The following GRIK3 variants were observed in gnomAD, a reference collection of about 807,000 sequenced individuals.
The protein encoded by GRIK3 is glutamate ionotropic receptor kainate type subunit 3.
In GRIK3, 29 loss-of-function variants were observed where a neutral mutation model predicts 102.5. That is an observed-to-expected ratio of 0.28 (90% CI 0.21 to 0.39). The LOEUF (loss-of-function observed/expected upper bound fraction) is 0.39. Among genes scored for constraint, GRIK3 ranks in the 10% least tolerant of loss-of-function variants. GRIK3 has a pLI of 1.00. For missense variants in GRIK3, 908 were observed against 1,252.4 expected, an observed-to-expected ratio of 0.73 and a Z score of 4.15; for synonymous variants, 511 against 504.9, an observed-to-expected ratio of 1.01 and a Z score of -0.16.
intron 1 of GRIK3, among the ~76,000 whole-genome samples, chr1:36,907,869 AC>A (rs1018925130): frequency 2.6e-5 from 4 of 152,016 alleles, no homozygotes; most frequent in Non-Finnish European, 5.9e-5. Flanking sequence ...TTTTGGTTCC[AC>A]TCACAGGCTA....
intron 1 of GRIK3, among the ~76,000 whole-genome samples, chr1:37,010,727 C>CTTTTT (rs60750637): frequency 3.0e-4 from 31 of 102,510 alleles, no homozygotes; most frequent in East Asian, 8.2e-4. Flanking sequence ...ACCTGTACCA[C>CTTTTT]TTTTTTTTTT....
At chr1:36,989,649 C>T (rs1429833666) in intron 1 of GRIK3, among the ~76,000 whole-genome samples, 3 of 152,188 alleles carry the variant, frequency 2.0e-5, no homozygotes, top group African/African-American at 7.2e-5. Flanking sequence ...TCTGGGCCCC[C>T]ACTGCTTCCC....
chr1:36,868,492 A>G (rs1640809906), intron 5 of GRIK3, among the ~76,000 whole-genome samples: 1 of 152,130 alleles, frequency 6.6e-6, no homozygotes, highest in Non-Finnish European at 1.5e-5. Flanking sequence ...GAGGGACTGT[A>G]GGGAGGATAA....
intron 1 of GRIK3, among the ~76,000 whole-genome samples, chr1:36,922,444 C>A (rs1279695708): frequency 1.3e-5 from 2 of 152,182 alleles, no homozygotes; most frequent in African/African-American, 2.4e-5. Context: ...TCCCTGAACT[C>A]CCCATGAGCC....
intron 5 of GRIK3, among the ~76,000 whole-genome samples, chr1:36,863,114 C>T (rs992054514): frequency 6.6e-6 from 1 of 152,176 alleles, no homozygotes; most frequent in African/African-American, 2.4e-5. Context: ...ATTATCACCC[C>T]ATTTTAGAGG....
intron 1 of GRIK3, among the ~76,000 whole-genome samples, chr1:36,994,332 A>G (rs151238766): frequency 0.011 from 1,647 of 152,378 alleles, 12 homozygotes; most frequent in Admixed American, 0.019. Flanking sequence ...TAGGTAATAC[A>G]GGCTCTGCCT....
At chr1:36,918,332 C>T (rs367875807) in intron 1 of GRIK3, among the ~76,000 whole-genome samples, 17 of 152,328 alleles carry the variant, frequency 1.1e-4, no homozygotes, top group African/African-American at 4.1e-4. Context: ...TACCTTTCTG[C>T]CCTATGTCCC....
chr1:36,852,032 A>G (rs1458367710), intron 8 of GRIK3, among the ~76,000 whole-genome samples: 1 of 152,186 alleles, frequency 6.6e-6, no homozygotes, highest in Non-Finnish European at 1.5e-5. Flanking sequence ...CAGAGGAGGA[A>G]GGGTGCTCTC....
At position 37,014,968 on chromosome 1, in the gene GRIK3, T is replaced by C. The variant is rs114664078; in HGVS notation, c.115+19026A>G. On this transcript the variant is annotated intron_variant, in intron 1 of 15. Coordinates refer to ENST00000373091, the MANE Select transcript of GRIK3 (RefSeq NM_000831.4). ...CTCTCTCTCTCTCTCTCTCTGTATC[T>C]CTGTCTCAATCACTGGCTCTCACTT... Among the ~76,000 whole-genome samples the C allele has an allele frequency of 5.6e-3, 846 of 151,980 alleles. 12 individuals are homozygous for C. Among genetic ancestry groups the C allele is most frequent in the African/African-American group, 0.02 (823 of 41,374 alleles).
chr1:36,934,899 C>T (rs150346764), intron 1 of GRIK3, among the ~76,000 whole-genome samples: 233 of 152,326 alleles, frequency 1.5e-3, no homozygotes, highest in African/African-American at 3.8e-3. Context: ...GCTCCCCTCT[C>T]TGGCACCTAT....
At chr1:36,812,900 G>C (rs1054699576) in intron 13 of GRIK3, among the ~76,000 whole-genome samples, 1 of 152,220 alleles carries the variant, frequency 6.6e-6, no homozygotes, top group Admixed American at 6.5e-5. Context: ...ATTATCTCCT[G>C]CACTTGTGCC....
intron 1 of GRIK3, among the ~76,000 whole-genome samples, chr1:36,904,685 A>G (rs1570790424): frequency 6.6e-6 from 1 of 152,210 alleles, no homozygotes; most frequent in African/African-American, 2.4e-5. Context: ...GGCATTATCA[A>G]TCAAAGCATA....
chr1:36,995,786 C>G (rs776528014), intron 1 of GRIK3, among the ~76,000 whole-genome samples: 6 of 152,196 alleles, frequency 3.9e-5, no homozygotes, highest in Non-Finnish European at 7.3e-5. Flanking sequence ...GAACCCTGCT[C>G]CCGTGTCCTC....
chr1:36,981,084 A>T (rs1642243910), intron 1 of GRIK3, among the ~76,000 whole-genome samples: 1 of 152,252 alleles, frequency 6.6e-6, no homozygotes, highest in Non-Finnish European at 1.5e-5. Context: ...CACATTAAAC[A>T]GATGGAGAAA....
chr1:36,947,467 C>T (rs1002076456), intron 1 of GRIK3, among the ~76,000 whole-genome samples: 1 of 152,184 alleles, frequency 6.6e-6, no homozygotes, highest in Non-Finnish European at 1.5e-5. Flanking sequence ...GCCACTGCTA[C>T]AAAATCCAAT....
At chr1:36,929,305 G>C (rs1363307565) in intron 1 of GRIK3, among the ~76,000 whole-genome samples, 1 of 152,142 alleles carries the variant, frequency 6.6e-6, no homozygotes, top group African/African-American at 2.4e-5. Context: ...CTCCAGCAGA[G>C]AGGCATCTGT....
intron 2 of GRIK3, among the ~76,000 whole-genome samples, chr1:36,890,323 G>A (rs1641099587): frequency 6.6e-6 from 1 of 152,114 alleles, no homozygotes; most frequent in Non-Finnish European, 1.5e-5. Flanking sequence ...AATTAGCTGG[G>A]TGTGGTGGCA....
chr1:36,868,136 G>A (rs1420507731), intron 5 of GRIK3, among the ~76,000 whole-genome samples: 1 of 152,108 alleles, frequency 6.6e-6, no homozygotes, highest in South Asian at 2.1e-4. Context: ...GGGGAGGGCT[G>A]CCATGAGTGG....
At chr1:36,926,505 C>T (rs778858194) in intron 1 of GRIK3, among the ~76,000 whole-genome samples, 2 of 152,084 alleles carry the variant, frequency 1.3e-5, no homozygotes, top group Non-Finnish European at 2.9e-5. Context: ...ATTCTTCTGC[C>T]TCAGCCTCCT....
Sources: gnomAD v4.1 joint callset for allele counts (sites outside exome capture counted in the v4.1 genomes callset) on GRCh38, gnomAD v4.1.1 for gene constraint, MANE v1.5 for transcripts, NCBI Gene and HGNC (gene_info 2026-07-23, HGNC 2026-07-21) for gene names.